The following SPOPL variants were observed in gnomAD, a reference collection of about 807,000 sequenced individuals.
The protein encoded by SPOPL is speckle type BTB/POZ protein like, also known as speckle-type POZ protein-like.
SPOPL carries 23 observed loss-of-function variants against 53.8 expected under a neutral mutation model. The observed-to-expected ratio is 0.43, with a 90% CI of 0.31 to 0.61. The LOEUF (loss-of-function observed/expected upper bound fraction) is 0.61, where lower values mean the gene tolerates loss of function less well. Among genes scored for constraint, SPOPL ranks in the 20% least tolerant of loss-of-function variants. The probability of loss-of-function intolerance (pLI) is 0.12; values close to 1 mark genes in which losing one functional copy is unlikely to be tolerated. For synonymous variants in SPOPL, 164 were observed against 149.7 expected (o/e 1.10, Z -0.70); for missense variants, 442 against 466.9 (o/e 0.95, Z 0.49).
intron 1 of SPOPL, among the ~76,000 whole-genome samples, chr2:138,546,717 A>G (rs1009784244): frequency 1.3e-5 from 2 of 148,986 alleles, no homozygotes; most frequent in African/African-American, 2.5e-5. Context: ...GTGTTCATCT[A>G]TTTTCTAATT....
intron 1 of SPOPL, among the ~76,000 whole-genome samples, chr2:138,506,923 T>G (rs2104852782): frequency 6.6e-6 from 1 of 152,170 alleles, no homozygotes; most frequent in East Asian, 1.9e-4. Context: ...CATTTGAACT[T>G]TGGTAGAAAG....
At chr2:138,548,872 A>G (rs1277226158) in intron 1 of SPOPL, among the ~76,000 whole-genome samples, 1 of 152,140 alleles carries the variant, frequency 6.6e-6, no homozygotes, top group Non-Finnish European at 1.5e-5. Context: ...CTCTTTCAGT[A>G]CATTTATTTA....
At chr2:138,544,918 AC>A (rs1399640895) in intron 1 of SPOPL, among the ~76,000 whole-genome samples, 1 of 152,180 alleles carries the variant, frequency 6.6e-6, no homozygotes, top group Non-Finnish European at 1.5e-5. Flanking sequence ...CCCTGGGCAT[AC>A]CCATAGCTTT....
chr2:138,561,479 A>G (rs952163910), intron 8 of SPOPL, among the ~76,000 whole-genome samples: 8 of 152,192 alleles, frequency 5.3e-5, no homozygotes, highest in African/African-American at 7.2e-5. Context: ...CATTCAGTAT[A>G]CAAGTTCACA....
intron 1 of SPOPL, among the ~76,000 whole-genome samples, chr2:138,511,781 A>G (rs1464164420): frequency 6.6e-6 from 1 of 152,118 alleles, no homozygotes; most frequent in Admixed American, 6.5e-5. Context: ...CACCTCCCAA[A>G]ATGAAGTCAA....
At chr2:138,544,132 A>C (rs1055629657) in intron 1 of SPOPL, among the ~76,000 whole-genome samples, 1 of 152,218 alleles carries the variant, frequency 6.6e-6, no homozygotes, top group Non-Finnish European at 1.5e-5. Flanking sequence ...GTGAGGTGTC[A>C]GTCTGCCCCT....
chr2:138,572,980 A>T lies in SPOPL; in HGVS notation c.*3900A>T, dbSNP rs1299809560. Reference sequence around the variant, plus strand: ...CAGTAAATTTTGCATTCAGTTTTAAAAAATGAAGATGTAACTTACCTGAGT... The same window carrying T: ...CAGTAAATTTTGCATTCAGTTTTAATAAATGAAGATGTAACTTACCTGAGT... On this transcript the variant is annotated 3_prime_UTR_variant, in exon 11 of 11. Coordinates refer to ENST00000280098, the MANE Select transcript of SPOPL (RefSeq NM_001001664.3). The T allele has an allele frequency of 6.6e-6, 1 of 152,340 alleles. No homozygotes were observed. Among genetic ancestry groups the T allele is most frequent in the Non-Finnish European group, 1.5e-5 (1 of 68,014 alleles). The allele number at this position is 152,340 out of a possible 1,614,324, so 9.4% of individuals were successfully genotyped here.
At chr2:138,510,909 T>G (rs907159245) in intron 1 of SPOPL, among the ~76,000 whole-genome samples, 1 of 152,190 alleles carries the variant, frequency 6.6e-6, no homozygotes, top group African/African-American at 2.4e-5. Flanking sequence ...TGAATTTAAT[T>G]TCATTTAATT....
rs576061508 is a variant in SPOPL, at chr2:138,561,371, TATA to T, written c.837+448_837+450del. On this transcript the variant is annotated intron_variant, in intron 8 of 10. Transcript: ENST00000280098. ...AGAGCAAAAACAATATTAATAATTT[TATA>T]ATACTTTTTTGTAATGATGATTTTT... Among the ~76,000 whole-genome samples the T allele has an allele frequency of 6.3e-3, 963 of 152,280 alleles. 4 individuals carry two copies. The highest frequency in any genetic ancestry group is 0.022 in the African/African-American group (921 of 41,554).
intron 1 of SPOPL, among the ~76,000 whole-genome samples, chr2:138,524,341 C>T (rs543361526): frequency 2.3e-4 from 35 of 152,266 alleles, no homozygotes; most frequent in South Asian, 1.2e-3. Flanking sequence ...TTTTTTCCTT[C>T]TGAACCTCCA....
chr2:138,540,021 G>A (rs1376235558), intron 1 of SPOPL, among the ~76,000 whole-genome samples: 1 of 152,144 alleles, frequency 6.6e-6, no homozygotes, highest in South Asian at 2.1e-4. Flanking sequence ...CCCATTTCTT[G>A]TTTTTGTCAG....
At position 138,544,820 on chromosome 2, in the gene SPOPL, G is replaced by A. The variant is rs150430127; in HGVS notation, c.-60-5337G>A. Among the ~76,000 whole-genome samples, 659 of 152,272 alleles carry A rather than the reference G, an allele frequency of 4.3e-3. 3 individuals carry two copies. The highest frequency in any genetic ancestry group is 0.015 in the African/African-American group (611 of 41,560). Reference sequence around the variant, plus strand: ...AATGGAAAAATCACCCATCTTCTGCGTCGCTCACACTGGGAGCTGTAGACT... The same window carrying A: ...AATGGAAAAATCACCCATCTTCTGCATCGCTCACACTGGGAGCTGTAGACT... On this transcript the variant is annotated intron_variant, in intron 1 of 10. Transcript: ENST00000280098.
At chr2:138,551,363 T>C (rs1685309970) in intron 4 of SPOPL, among the ~76,000 whole-genome samples, 1 of 152,062 alleles carries the variant, frequency 6.6e-6, no homozygotes, top group Non-Finnish European at 1.5e-5. Flanking sequence ...GCATATATAA[T>C]ACGTGCTCAG....
At chr2:138,542,746 ATGT>A (rs1316071619) in intron 1 of SPOPL, among the ~76,000 whole-genome samples, 1 of 152,032 alleles carries the variant, frequency 6.6e-6, no homozygotes, top group Non-Finnish European at 1.5e-5. Flanking sequence ...TTTAAGGTTA[ATGT>A]TGTTATGTGT....
chr2:138,518,046 CAAAAA>C (rs61662616), intron 1 of SPOPL, among the ~76,000 whole-genome samples: 3 of 67,802 alleles, frequency 4.4e-5, no homozygotes, highest in Non-Finnish European at 9.6e-5. Flanking sequence ...GAAACTGTCT[CAAAAA>C]AAAAAAAAAA....
chr2:138,531,382 A>G (rs1001664597), intron 1 of SPOPL, among the ~76,000 whole-genome samples: 2 of 151,820 alleles, frequency 1.3e-5, no homozygotes, highest in African/African-American at 4.8e-5. Flanking sequence ...AACACTTTTT[A>G]CTCCATTTAT....
chr2:138,567,369 T>A (rs149379346), intron 10 of SPOPL, among the ~76,000 whole-genome samples: 163 of 123,576 alleles, frequency 1.3e-3, no homozygotes, highest in African/African-American at 4.4e-3. Context: ...GAAAGAGCAG[T>A]ATAGTGTGTG....
intron 5 of SPOPL, among the ~76,000 whole-genome samples, chr2:138,556,147 A>G (rs1478118012): frequency 2.6e-5 from 4 of 152,174 alleles, no homozygotes; most frequent in Admixed American, 1.3e-4. Flanking sequence ...AGTATGAAGT[A>G]TTAATTATGT....
intron 10 of SPOPL, among the ~76,000 whole-genome samples, chr2:138,566,788 G>T (rs912453126): frequency 1.3e-5 from 2 of 152,254 alleles, no homozygotes; most frequent in African/African-American, 2.4e-5. Flanking sequence ...TTATCTAATA[G>T]AGATAGATAT....
Sources: allele counts gnomAD v4.1 joint callset (sites outside exome capture counted in the v4.1 genomes callset), GRCh38; gene constraint gnomAD v4.1.1; transcripts MANE v1.5; gene names NCBI Gene and HGNC (gene_info 2026-07-23, HGNC 2026-07-21).